The following CCBE1 variants were observed in gnomAD, a reference collection of about 807,000 sequenced individuals.
CCBE1 encodes collagen and calcium-binding EGF domain-containing protein 1.
CCBE1 carries 37 observed loss-of-function variants against 50.0 expected under a neutral mutation model. The ratio of observed to expected loss-of-function variants is 0.74; its 90% CI spans 0.57 to 0.97. CCBE1 has a LOEUF of 0.97. Ranked by LOEUF, CCBE1 falls within the 50% of genes least tolerant of loss-of-function variation. CCBE1 has a pLI of 0.00. For synonymous variants in CCBE1, 234 were observed against 203.7 expected (o/e 1.15, Z -1.27); for missense variants, 538 against 523.8 (o/e 1.03, Z -0.26).
At chr18:59,441,613 G>A (rs1450041847) in intron 7 of CCBE1, among the ~76,000 whole-genome samples, 11 of 152,098 alleles carry the variant, frequency 7.2e-5, no homozygotes, top group African/African-American at 2.7e-4. Context: ...GCATGTGAAC[G>A]GTGCTGTTGG....
intron 6 of CCBE1, among the ~76,000 whole-genome samples, chr18:59,454,335 C>T (rs1414763810): frequency 6.6e-6 from 1 of 152,126 alleles, no homozygotes; most frequent in Non-Finnish European, 1.5e-5. Context: ...ACCTCTGCCT[C>T]CCAGGTTCAA....
At chr18:59,447,962 T>C in intron 7 of CCBE1, 21 bp downstream of exon 7, 20 of 1,613,904 alleles carry the variant, frequency 1.2e-5, no homozygotes, top group Non-Finnish European at 1.7e-5. Context: ...ATCACCCTCC[T>C]GTGCCCTCTT....
chr18:59,490,410 C>A (rs1004348985), intron 2 of CCBE1, among the ~76,000 whole-genome samples: 2 of 111,244 alleles, frequency 1.8e-5, no homozygotes, highest in African/African-American at 3.7e-5. Context: ...TGCATATTTT[C>A]TGAATTTTCT....
chr18:59,442,985 G>C (rs774003759), intron 7 of CCBE1, among the ~76,000 whole-genome samples: 2 of 146,374 alleles, frequency 1.4e-5, no homozygotes, highest in Middle Eastern at 3.7e-3. Flanking sequence ...TAGAGGTTGA[G>C]GGGTTGTGTT....
intron 2 of CCBE1, among the ~76,000 whole-genome samples, chr18:59,500,553 A>G (rs1003395950): frequency 6.6e-6 from 1 of 152,156 alleles, no homozygotes; most frequent in African/African-American, 2.4e-5. Context: ...AGAACTGTCA[A>G]TGACACCCTC....
intron 2 of CCBE1, among the ~76,000 whole-genome samples, chr18:59,520,582 A>C (rs9962815): frequency 0.018 from 2,674 of 152,368 alleles, 85 homozygotes; most frequent in African/African-American, 0.06. Context: ...AGGAAAAGGA[A>C]ACGTGTTGCA....
At chr18:59,543,834 C>CAAAAAAAAAAAAAAAAAAAAAAAAA (rs10678902) in intron 2 of CCBE1, among the ~76,000 whole-genome samples, 10 of 69,024 alleles carry the variant, frequency 1.4e-4, no homozygotes, top group African/African-American at 7.2e-4. Flanking sequence ...GACTCCGTCT[C>CAAAAAAAAAAAAAAAAAAAAAAAAA]AAAAAAAAAA....
At chr18:59,487,660 C>T (rs149111096) in intron 2 of CCBE1, among the ~76,000 whole-genome samples, 402 of 152,274 alleles carry the variant, frequency 2.6e-3, no homozygotes, top group Non-Finnish European at 4.9e-3. Context: ...TGTTCATCTA[C>T]ATGTAAGCTT....
rs1175227841 is a variant in CCBE1 at position 59,432,355 on chromosome 18, A to G, written c.*3553T>C. The G allele has an allele frequency of 6.6e-6, 1 of 152,188 alleles. No individual in the cohort carries two copies. The highest frequency in any genetic ancestry group is 2.4e-5 in the African/African-American group (1 of 41,452). 9.4% of individuals were successfully genotyped at this position (152,188 alleles called of 1,614,324 possible). A position where few individuals can be genotyped will look rare whatever the true frequency, so the allele number is the denominator to read the frequency against. On this transcript the variant is annotated 3_prime_UTR_variant, in exon 11 of 11. Coordinates refer to ENST00000439986, the MANE Select transcript of CCBE1 (RefSeq NM_133459.4). ...CTGTGAAGAGGGTGCAAAAAATCGA[A>G]GTCAACATTTCTACTAACAGGTTGA...
At chr18:59,478,046 C>T (rs1218527687) in intron 3 of CCBE1, among the ~76,000 whole-genome samples, 1 of 152,138 alleles carries the variant, frequency 6.6e-6, no homozygotes, top group East Asian at 1.9e-4. Context: ...GGGTGGGCCT[C>T]ATCCAATCAG....
intron 2 of CCBE1, among the ~76,000 whole-genome samples, chr18:59,547,062 GGGGAGAGAGGGGGAGAGAAA>G (rs1915720279): frequency 1.9e-5 from 2 of 105,542 alleles, no homozygotes; most frequent in African/African-American, 4.0e-5. Flanking sequence ...GGGGAGAGAG[GGGGAGAGAGGGGGAGAGAAA>G]GGGAGAGAGA....
chr18:59,457,151 C>T (rs1250671311), intron 5 of CCBE1, among the ~76,000 whole-genome samples: 3 of 152,150 alleles, frequency 2.0e-5, no homozygotes, highest in African/African-American at 7.2e-5. Flanking sequence ...TTATGTGTAA[C>T]CAACATAACA....
chr18:59,455,028 G>T (rs1171363577), intron 5 of CCBE1, 77 bp from the exon 6 acceptor site: 1 of 1,153,796 alleles, frequency 8.7e-7, no homozygotes, highest in African/African-American at 1.5e-5. Flanking sequence ...ATCGGGAAGG[G>T]CGGTCCCAGG....
intron 2 of CCBE1, among the ~76,000 whole-genome samples, chr18:59,569,634 T>TAA (rs1477314564): frequency 3.1e-5 from 4 of 128,442 alleles, no homozygotes; most frequent in African/African-American, 1.2e-4. Flanking sequence ...CCCCGCCCTT[T>TAA]TAAAAAAAAA....
intron 4 of CCBE1, among the ~76,000 whole-genome samples, chr18:59,468,280 G>C (rs1911850043): frequency 1.3e-5 from 2 of 152,210 alleles, no homozygotes; most frequent in African/African-American, 4.8e-5. Context: ...AGCTACTCAG[G>C]AGGCTCAGGT....
chr18:59,508,712 T>C (rs909212014), intron 2 of CCBE1, among the ~76,000 whole-genome samples: 8 of 62,720 alleles, frequency 1.3e-4, no homozygotes, highest in African/African-American at 6.4e-4. Context: ...AGAGTTACGC[T>C]TTTTTTTTTT....
chr18:59,438,299 C>T (rs749211044), intron 9 of CCBE1, among the ~76,000 whole-genome samples, 153 bp from the exon 10 acceptor site: 1 of 152,224 alleles, frequency 6.6e-6, no homozygotes, highest in African/African-American at 2.4e-5. Flanking sequence ...ACTCACGGGA[C>T]CACTTATTTG....
At chr18:59,526,203 A>G (rs1219350635) in intron 2 of CCBE1, among the ~76,000 whole-genome samples, 1 of 151,904 alleles carries the variant, frequency 6.6e-6, no homozygotes, top group Non-Finnish European at 1.5e-5. Context: ...TATCTCCTTC[A>G]GTTCCACTCT....
chr18:59,646,722 C>T (rs942345331), intron 2 of CCBE1, among the ~76,000 whole-genome samples: 2 of 152,196 alleles, frequency 1.3e-5, no homozygotes, highest in African/African-American at 2.4e-5. Flanking sequence ...TGACAGGTCT[C>T]ATGTAGCAAT....
Sources: gnomAD v4.1 joint callset for allele counts (sites outside exome capture counted in the v4.1 genomes callset) on GRCh38, gnomAD v4.1.1 for gene constraint, MANE v1.5 for transcripts, NCBI Gene and HGNC (gene_info 2026-07-23, HGNC 2026-07-21) for gene names.